GABBR2: variants seen among roughly 807,000 people sequenced by gnomAD.
GABBR2 encodes the protein gamma-aminobutyric acid type B receptor subunit 2.
Under a neutral mutation model 105.6 loss-of-function variants are expected in GABBR2, and 23 were observed. The observed-to-expected ratio is 0.22, with a 90% confidence interval of 0.16 to 0.31. The LOEUF is 0.31. Ranked by LOEUF, GABBR2 falls within the 10% of genes least tolerant of loss-of-function variation. The pLI is 1.00. For missense variants in GABBR2, 734 were observed against 1,245.5 expected (o/e 0.59, Z 6.18); for synonymous variants, 478 against 499.7 (o/e 0.96, Z 0.58).
chr9:98,464,339 G>A (rs1429154900), intron 6 of GABBR2, among the ~76,000 whole-genome samples: 1 of 151,682 alleles, frequency 6.6e-6, no homozygotes, highest in Non-Finnish European at 1.5e-5. Flanking sequence ...AATGGGAAGT[G>A]AGGAGCGCCT....
chr9:98,412,136 A>G (rs912824532), intron 7 of GABBR2, among the ~76,000 whole-genome samples: 1 of 152,174 alleles, frequency 6.6e-6, no homozygotes, highest in Non-Finnish European at 1.5e-5. Flanking sequence ...AGGCAGAGAT[A>G]CTCTCCCTGA....
chr9:98,438,669 T>A (rs1825976874), intron 7 of GABBR2, among the ~76,000 whole-genome samples: 1 of 152,058 alleles, frequency 6.6e-6, no homozygotes, highest in African/African-American at 2.4e-5. Context: ...TTTCTAAGAG[T>A]AGTTTGACTC....
chr9:98,335,697 C>A (rs748361772), intron 13 of GABBR2, among the ~76,000 whole-genome samples: 12 of 152,180 alleles, frequency 7.9e-5, no homozygotes, highest in Non-Finnish European at 1.8e-4. Context: ...AACCAAACTT[C>A]CTCTTCACCT....
At chr9:98,422,350 A>C (rs1398297989) in intron 7 of GABBR2, among the ~76,000 whole-genome samples, 1 of 152,202 alleles carries the variant, frequency 6.6e-6, no homozygotes, top group Non-Finnish European at 1.5e-5. Context: ...TTCTGGTGGG[A>C]TGTCACAGGA....
Position 98,426,662 on chromosome 9 carries a change from C to T in GABBR2, c.1237-20521G>A, listed in dbSNP as rs1825699613. Among the ~76,000 whole-genome samples the T allele has an allele frequency of 2.0e-5, 3 of 152,156 alleles. No individual in the cohort carries two copies. The South Asian group carries it at 6.2e-4, about 32-fold the overall frequency. On this transcript the variant is annotated intron_variant, in intron 7 of 18. Coordinates refer to ENST00000259455, the MANE Select transcript of GABBR2 (RefSeq NM_005458.8). ...GGGACTATTGGTTTCATGGACTAAG[C>T]CTAAAAATCTTCCATCAGCTAAAAT... is the stretch of plus-strand genomic sequence containing the variant.
intron 9 of GABBR2, among the ~76,000 whole-genome samples, chr9:98,391,507 G>C (rs2131501014): frequency 6.6e-6 from 1 of 152,338 alleles, no homozygotes; most frequent in South Asian, 2.1e-4. Context: ...GGAGGCCTGA[G>C]AGCGAGCAGG....
At chr9:98,377,136 T>G (rs2131471843) in intron 11 of GABBR2, among the ~76,000 whole-genome samples, 1 of 151,272 alleles carries the variant, frequency 6.6e-6, no homozygotes, top group Middle Eastern at 3.4e-3. Flanking sequence ...AGGCCTTTCT[T>G]CCTGTTCCCC....
At chr9:98,309,234 C>G (rs1327977164) in intron 14 of GABBR2, among the ~76,000 whole-genome samples, 1 of 152,210 alleles carries the variant, frequency 6.6e-6, no homozygotes, top group Non-Finnish European at 1.5e-5. Flanking sequence ...GGAAGACATA[C>G]AGTCATTTCT....
chr9:98,607,291 C>T, intron 1 of GABBR2: 2 of 883,580 alleles, frequency 2.3e-6, no homozygotes, highest in Non-Finnish European at 3.9e-6. Context: ...CGTCAGATGC[C>T]TGATAACGGT....
At chr9:98,571,864 C>T (rs766953722) in intron 2 of GABBR2, among the ~76,000 whole-genome samples, 50 of 152,174 alleles carry the variant, frequency 3.3e-4, no homozygotes, top group Non-Finnish European at 6.3e-4. Context: ...TAACTTTGGC[C>T]GTGGCTCCTG....
intron 3 of GABBR2, among the ~76,000 whole-genome samples, chr9:98,537,840 G>A (rs181148234): frequency 2.0e-5 from 3 of 152,268 alleles, no homozygotes; most frequent in African/African-American, 7.2e-5. Context: ...GTGAAGAAAA[G>A]GAAATGGAAG....
chr9:98,363,588 T>C (rs1462302952), intron 12 of GABBR2, among the ~76,000 whole-genome samples: 1 of 152,174 alleles, frequency 6.6e-6, no homozygotes, highest in Non-Finnish European at 1.5e-5. Flanking sequence ...GTTGTATACA[T>C]GTCTTCCCTC....
intron 7 of GABBR2, among the ~76,000 whole-genome samples, chr9:98,419,453 G>A (rs140202371): frequency 2.0e-5 from 3 of 152,332 alleles, no homozygotes; most frequent in Non-Finnish European, 4.4e-5. Context: ...GACCATGGCC[G>A]TCGGGGGCGG....
At chr9:98,532,785 G>A (rs772957220) in intron 3 of GABBR2, among the ~76,000 whole-genome samples, 5 of 152,198 alleles carry the variant, frequency 3.3e-5, no homozygotes, top group Non-Finnish European at 7.3e-5. Flanking sequence ...AACGACTGGT[G>A]TAGAAGTCAG....
At chr9:98,558,538 C>T (rs976761975) in intron 2 of GABBR2, among the ~76,000 whole-genome samples, 2 of 152,218 alleles carry the variant, frequency 1.3e-5, no homozygotes, top group Non-Finnish European at 2.9e-5. Flanking sequence ...CCCAGTCTTG[C>T]CCCCCAAGTT....
chr9:98,490,935 C>T (rs966765804), intron 4 of GABBR2, among the ~76,000 whole-genome samples: 12 of 151,888 alleles, frequency 7.9e-5, no homozygotes, highest in Admixed American at 6.5e-5. Context: ...ATACAAATTT[C>T]GATACACATC....
intron 11 of GABBR2, among the ~76,000 whole-genome samples, chr9:98,378,607 G>A (rs1209272476): frequency 6.6e-6 from 1 of 152,238 alleles, no homozygotes; most frequent in Non-Finnish European, 1.5e-5. Context: ...CCCTGAGAGT[G>A]TGTCAGGAAT....
chr9:98,579,967 G>A (rs1030255865), intron 1 of GABBR2, among the ~76,000 whole-genome samples: 3 of 152,188 alleles, frequency 2.0e-5, no homozygotes, highest in Non-Finnish European at 4.4e-5. Context: ...CTCTAAGTAT[G>A]AGGGTAAAGG....
chr9:98,645,776 CAAT>C (rs1283484718), intron 1 of GABBR2, among the ~76,000 whole-genome samples: 1 of 152,132 alleles, frequency 6.6e-6, no homozygotes, highest in Non-Finnish European at 1.5e-5. Flanking sequence ...ATAACAAAAG[CAAT>C]AATAATAATA....
Sources: gnomAD v4.1 joint callset for allele counts (sites outside exome capture counted in the v4.1 genomes callset) on GRCh38, gnomAD v4.1.1 for gene constraint, MANE v1.5 for transcripts, NCBI Gene and HGNC (gene_info 2026-07-23, HGNC 2026-07-21) for gene names.